The following RSPH10B2 variants were observed in gnomAD, a reference collection of about 807,000 sequenced individuals.
RSPH10B2 encodes radial spoke head 10 homolog B2 (Chlamydomonas).
A neutral mutation model predicts 49.0 loss-of-function variants in RSPH10B2; 9 were observed. That is an observed-to-expected ratio of 0.18 (90% CI 0.11 to 0.32). The LOEUF (loss-of-function observed/expected upper bound fraction) is 0.32, where lower values mean the gene tolerates loss of function less well. Ranked by LOEUF, RSPH10B2 falls within the 10% of genes least tolerant of loss-of-function variation. The pLI, the probability that RSPH10B2 is intolerant of heterozygous loss-of-function variation, is 1.00. For missense variants in RSPH10B2, 95 were observed against 589.9 expected, an observed-to-expected ratio of 0.16 and a Z score of 8.69; for synonymous variants, 35 against 210.2, an observed-to-expected ratio of 0.17 and a Z score of 7.21.
At chr7:6,793,786 G>C (rs1215826422) in intron 17 of RSPH10B2, among the ~76,000 whole-genome samples, 2 of 147,446 alleles carry the variant, frequency 1.4e-5, no homozygotes, top group African/African-American at 2.5e-5. Context: ...AGAGGTTGCA[G>C]TGAGCTGAGA....
chr7:6,758,958 T>TATATATATAC (rs1248727330), intron 1 of RSPH10B2, 126 bp from the exon 4 acceptor site: 1 of 492,062 alleles, frequency 2.0e-6, no homozygotes, highest in African/African-American at 2.7e-5. Flanking sequence ...TGTATATATA[T>TATATATATAC]ATATATATAT....
At chr7:6,771,765 TTGGGAGGC>T (rs1339151387) in intron 8 of RSPH10B2, 74 bp downstream of exon 10, 2 of 90,698 alleles carry the variant, frequency 2.2e-5, no homozygotes, top group Non-Finnish European at 5.0e-5. Context: ...TCCCAGCGCT[TTGGGAGGC>T]CGAGGCCGGC....
At chr7:6,771,861 T>G in intron 8 of RSPH10B2, among the ~76,000 whole-genome samples, 170 bp downstream of exon 10, 1 of 117,120 alleles carries the variant, frequency 8.5e-6, no homozygotes, top group African/African-American at 3.0e-5. Flanking sequence ...AAAAAAAAAT[T>G]AGCCAGGCGT....
chr7:6,781,779 G>A (rs1307732208), intron 13 of RSPH10B2, among the ~76,000 whole-genome samples: 1 of 112,040 alleles, frequency 8.9e-6, no homozygotes, highest in African/African-American at 3.5e-5. Context: ...CACTTTGAGA[G>A]GCCGAGGCGG....
chr7:6,777,068 T>TGTTTTG (rs199783272), intron 10 of RSPH10B2, among the ~76,000 whole-genome samples: 2 of 42,750 alleles, frequency 4.7e-5, no homozygotes, highest in African/African-American at 2.3e-4. Flanking sequence ...TGTTTTGTTT[T>TGTTTTG]TTTTGAGACA....
chr7:6,782,333 C>T (rs2115456200), intron 13 of RSPH10B2, among the ~76,000 whole-genome samples: 1 of 137,462 alleles, frequency 7.3e-6, no homozygotes, highest in South Asian at 2.8e-4. Context: ...ATCACTTGAG[C>T]TTAGGAATTC....
At chr7:6,755,980 G>C (rs1781049217), upstream of RSPH10B2, among the ~76,000 whole-genome samples, 1 of 146,264 alleles carries the variant, frequency 6.8e-6, no homozygotes, top group Admixed American at 6.9e-5. Context: ...CACAGAACTG[G>C]GCCGGGCACC....
At position 6,798,541 on chromosome 7, in the gene RSPH10B2, TAG is replaced by T. The variant is rs771522891; in HGVS notation, c.*4_*5del. On this transcript the variant is annotated frameshift_variant and stop_lost, in exon 19 of 19. Transcript: ENST00000297186. LOFTEE classifies it high-confidence loss of function. ...CATCACCAGCAAGAAGAAGAAAAAG[TAG>T]AGAGACACGAGGACACACACACAGG... 4.1e-6 allele frequency: 3 copies of T among 732,244 alleles called. No homozygotes were observed. Among genetic ancestry groups the T allele is most frequent in the Non-Finnish European group, 3.6e-6 (2 of 558,448 alleles). The allele number at this position is 732,244 out of a possible 1,614,324, so 45.4% of individuals were successfully genotyped here.
chr7:6,758,452 T>C (rs1204240132), intron 1 of RSPH10B2, among the ~76,000 whole-genome samples: 1 of 144,942 alleles, frequency 6.9e-6, no homozygotes, highest in African/African-American at 2.6e-5. Flanking sequence ...TAGAGTTTAT[T>C]GTGGTGAAAC....
Position 6,781,481 on chromosome 7 carries a change from C to T in RSPH10B2, c.1758+5C>T, listed in dbSNP as rs1344822896. The T allele has an allele frequency of 1.1e-5, 14 of 1,236,840 alleles. 4 individuals carry two copies. The highest frequency in any genetic ancestry group is 1.5e-5 in the Non-Finnish European group (14 of 953,160). The allele number at this position is 1,236,840 out of a possible 1,614,324, so 76.6% of individuals were successfully genotyped here. A position where few individuals can be genotyped will look rare whatever the true frequency, so the allele number is the denominator to read the frequency against. On this transcript the variant is annotated splice_donor_5th_base_variant and intron_variant, in intron 13 of 18. Coordinates refer to ENST00000297186, the Ensembl canonical transcript of RSPH10B2. The stretch of plus-strand genomic sequence containing the variant: ...CACTTCCTCTGGATGCTGAAAGTAA[C>T]CACCTAAGTTCGATATTGGCTTTCT...
intron 4 of RSPH10B2, among the ~76,000 whole-genome samples, chr7:6,764,410 G>T (rs1426610584): frequency 6.6e-6 from 1 of 151,174 alleles, no homozygotes; most frequent in African/African-American, 2.4e-5. Flanking sequence ...GCCCAGGCGG[G>T]AGTGCAATGG....
Position 6,781,869 on chromosome 7 carries a change from A to AAT in RSPH10B2, c.1758+407_1758+408dup, listed in dbSNP as rs1554256008. 7.9e-3 allele frequency among the ~76,000 whole-genome samples: 784 copies of AAT among 99,214 alleles called. 171 individuals are homozygous for AAT. The highest frequency in any genetic ancestry group is 0.028 in the African/African-American group (709 of 25,408). The allele number at this position is 99,214 out of a possible 152,430, so 65.1% of individuals were successfully genotyped here. On this transcript the variant is annotated intron_variant, in intron 13 of 18. Coordinates refer to ENST00000297186, the Ensembl canonical transcript of RSPH10B2. ...TATGCCATGGGCCATTGTCTTAAAA[A>AAT]ATATATATATATATAAATATATATA...
intron 17 of RSPH10B2, among the ~76,000 whole-genome samples, chr7:6,795,629 C>T (rs1186461658): frequency 7.4e-6 from 1 of 135,662 alleles, no homozygotes; most frequent in Admixed American, 7.4e-5. Context: ...GGTGTGGTGG[C>T]ACCCGCCTGT....
chr7:6,752,172 G>A (rs1780902485), upstream of RSPH10B2, among the ~76,000 whole-genome samples: 1 of 149,888 alleles, frequency 6.7e-6, no homozygotes, highest in African/African-American at 2.5e-5. Flanking sequence ...GGAAGAAAAT[G>A]ACTGGATGGG....
At chr7:6,769,569 T>C (rs1781561984) in intron 7 of RSPH10B2, among the ~76,000 whole-genome samples, 1 of 87,654 alleles carries the variant, frequency 1.1e-5, no homozygotes, top group Non-Finnish European at 2.3e-5. Flanking sequence ...CTTACTGTTT[T>C]GCTAAGGTGA....
rs539952875 is a variant in RSPH10B2, at chr7:6,797,074, T to G, written c.2432+308T>G. The stretch of plus-strand genomic sequence containing the variant: ...CCCAGGCTAGAGTGGAGTGGTATGA[T>G]CTCAGCTCACTGCAACCTCCGCCTC... On this transcript the variant is annotated intron_variant, in intron 18 of 18. Transcript: ENST00000297186. 4.1e-4 allele frequency: 140 copies of G among 337,796 alleles called. 7 individuals are homozygous for G. Among genetic ancestry groups the G allele is most frequent in the African/African-American group, 3.0e-3 (132 of 44,710 alleles). 20.9% of individuals were successfully genotyped at this position (337,796 alleles called of 1,614,324 possible).
chr7:6,757,885 GC>G lies in RSPH10B2; in HGVS notation c.210del (p.Ser71AlafsTer8), dbSNP rs1781123402. The G allele has an allele frequency of 6.4e-7, 1 of 1,564,182 alleles. No individual in the cohort carries two copies. The highest frequency in any genetic ancestry group is 8.6e-7 in the Non-Finnish European group (1 of 1,156,806). On this transcript the variant is annotated frameshift_variant, in exon 1 of 19. Transcript: ENST00000297186. LOFTEE classifies it high-confidence loss of function. Reference sequence around the variant, plus strand: ...CCAAAACGTTCAGCAGAACGAAGATGCCAGCCAATACGAAGAGTCCATTCTG... The same window carrying G: ...CCAAAACGTTCAGCAGAACGAAGATGCAGCCAATACGAAGAGTCCATTCTG...
chr7:6,770,630 G>T, intron 7 of RSPH10B2, among the ~76,000 whole-genome samples: 1 of 140,464 alleles, frequency 7.1e-6, no homozygotes, highest in East Asian at 2.0e-4. Context: ...AAATTGTGGG[G>T]CACGATGGCT....
chr7:6,777,054 GTTT>G (rs1781775662), intron 10 of RSPH10B2, among the ~76,000 whole-genome samples: 1 of 42,788 alleles, frequency 2.3e-5, no homozygotes, highest in African/African-American at 1.2e-4. Flanking sequence ...TTTTTGTTTT[GTTT>G]TGTTTTGTTT....
Sources: allele counts gnomAD v4.1 joint callset (sites outside exome capture counted in the v4.1 genomes callset), GRCh38; gene constraint gnomAD v4.1.1; transcripts MANE v1.5; gene names NCBI Gene and HGNC (gene_info 2026-07-23, HGNC 2026-07-21).